The following PRKD1 variants were observed in gnomAD, a reference collection of about 807,000 sequenced individuals.
The protein encoded by PRKD1 is protein kinase D1.
In PRKD1, 63 loss-of-function variants were observed where a neutral mutation model predicts 95.9. The ratio of observed to expected loss-of-function variants is 0.66; its 90% CI spans 0.54 to 0.81. PRKD1 has a LOEUF of 0.81. Ranked by LOEUF, PRKD1 falls within the 30% of genes least tolerant of loss-of-function variation. PRKD1 has a pLI of 0.00. For synonymous variants in PRKD1, 425 were observed against 423.1 expected, an observed-to-expected ratio of 1.00 and a Z score of -0.05; for missense variants, 1,048 against 1,165.3, an observed-to-expected ratio of 0.90 and a Z score of 1.47.
At chr14:29,834,314 A>G (rs1292573792) in intron 1 of PRKD1, among the ~76,000 whole-genome samples, 1 of 152,102 alleles carries the variant, frequency 6.6e-6, no homozygotes, top group Non-Finnish European at 1.5e-5. Context: ...TTTTTGACAT[A>G]CTGTTGTGGA....
chr14:29,674,170 C>G (rs1883024385), intron 2 of PRKD1, among the ~76,000 whole-genome samples: 1 of 152,026 alleles, frequency 6.6e-6, no homozygotes, highest in Non-Finnish European at 1.5e-5. Context: ...TTGTCACAAC[C>G]ATCATTACTA....
intron 1 of PRKD1, among the ~76,000 whole-genome samples, chr14:29,742,634 A>C (rs1188750143): frequency 6.6e-6 from 1 of 152,218 alleles, no homozygotes; most frequent in East Asian, 1.9e-4. Context: ...TGAGGAAAAA[A>C]TCTATAGATG....
At chr14:29,743,906 T>C (rs1887096054) in intron 1 of PRKD1, among the ~76,000 whole-genome samples, 1 of 152,214 alleles carries the variant, frequency 6.6e-6, no homozygotes, top group Non-Finnish European at 1.5e-5. Flanking sequence ...TATTCTTTTG[T>C]CTTTCCTCCC....
intron 2 of PRKD1, among the ~76,000 whole-genome samples, chr14:29,682,029 A>G (rs561107012): frequency 6.6e-6 from 1 of 152,356 alleles, no homozygotes; most frequent in South Asian, 2.1e-4. Flanking sequence ...CACTGCATCC[A>G]AAGATAATGA....
intron 1 of PRKD1, among the ~76,000 whole-genome samples, chr14:29,905,006 G>C (rs896566031): frequency 1.3e-5 from 2 of 152,130 alleles, no homozygotes; most frequent in Admixed American, 1.3e-4. Flanking sequence ...TCTGCCAAAC[G>C]AATGACACTT....
chr14:29,890,659 T>C (rs1032709887), intron 1 of PRKD1, among the ~76,000 whole-genome samples: 4 of 152,064 alleles, frequency 2.6e-5, no homozygotes, highest in African/African-American at 9.7e-5. Context: ...GATAATACAT[T>C]CCAAGCATAT....
intron 1 of PRKD1, among the ~76,000 whole-genome samples, chr14:29,772,900 T>C (rs1433239662): frequency 6.6e-6 from 1 of 152,248 alleles, no homozygotes; most frequent in Non-Finnish European, 1.5e-5. Flanking sequence ...CATAAAATTT[T>C]ATTCCACAGA....
chr14:29,805,820 A>G (rs1890208641), intron 1 of PRKD1, among the ~76,000 whole-genome samples: 1 of 152,232 alleles, frequency 6.6e-6, no homozygotes, highest in Admixed American at 6.5e-5. Context: ...TTATCAACAG[A>G]AAGTGTGAGT....
intron 1 of PRKD1, among the ~76,000 whole-genome samples, chr14:29,792,054 T>A (rs1332036947): frequency 6.6e-6 from 1 of 152,124 alleles, no homozygotes; most frequent in Non-Finnish European, 1.5e-5. Flanking sequence ...CTTAATTGAT[T>A]TCTCACTCTA....
At chr14:29,791,157 A>C (rs1485076248) in intron 1 of PRKD1, among the ~76,000 whole-genome samples, 1 of 152,202 alleles carries the variant, frequency 6.6e-6, no homozygotes, top group Non-Finnish European at 1.5e-5. Context: ...CTAAAGAGAA[A>C]ACTATTGTTT....
intron 16 of PRKD1, among the ~76,000 whole-genome samples, chr14:29,593,832 T>C (rs191393102): frequency 2.0e-5 from 3 of 152,290 alleles, no homozygotes; most frequent in Non-Finnish European, 4.4e-5. Context: ...TGATAAAGTA[T>C]TAGCAGGCAT....
At chr14:29,759,731 A>C (rs45440194) in intron 1 of PRKD1, among the ~76,000 whole-genome samples, 1,961 of 152,328 alleles carry the variant, frequency 0.013, 33 homozygotes, top group African/African-American at 0.044. Flanking sequence ...GCACGGTGGC[A>C]GAAACTGGCA....
chr14:29,840,469 A>G (rs1395001531), intron 1 of PRKD1, among the ~76,000 whole-genome samples: 1 of 152,144 alleles, frequency 6.6e-6, no homozygotes, highest in Non-Finnish European at 1.5e-5. Context: ...TGAGCCCTCC[A>G]AACTGTTTCA....
intron 4 of PRKD1, among the ~76,000 whole-genome samples, chr14:29,644,315 T>C (rs984915212): frequency 6.6e-6 from 1 of 152,206 alleles, no homozygotes; most frequent in African/African-American, 2.4e-5. Context: ...CATGAAAATC[T>C]GTGCAGAACT....
chr14:29,816,111 A>G (rs904077602), intron 1 of PRKD1, among the ~76,000 whole-genome samples: 5 of 152,262 alleles, frequency 3.3e-5, no homozygotes, highest in East Asian at 1.9e-4. Flanking sequence ...CCAGCTACTC[A>G]GGAGACTGAG....
intron 1 of PRKD1, among the ~76,000 whole-genome samples, chr14:29,737,738 C>G (rs1223827057): frequency 6.6e-6 from 1 of 152,170 alleles, no homozygotes; most frequent in African/African-American, 2.4e-5. Flanking sequence ...TAGCATTCAG[C>G]TGTAAGGGAC....
At chr14:29,673,025 T>C (rs1260786569) in intron 2 of PRKD1, among the ~76,000 whole-genome samples, 1 of 152,192 alleles carries the variant, frequency 6.6e-6, no homozygotes, top group East Asian at 1.9e-4. Context: ...GAGCTACAGT[T>C]AACACGTGAA....
chr14:29,739,999 C>T (rs1438794697), intron 1 of PRKD1, among the ~76,000 whole-genome samples: 2 of 152,076 alleles, frequency 1.3e-5, no homozygotes, highest in East Asian at 3.9e-4. Context: ...AATAAATGTT[C>T]ATATCAAGCA....
In PRKD1 at chr14:29,638,983, G is replaced by C. The variant is rs993345804; in HGVS notation, c.697-79C>G. 4.0e-5 allele frequency: 42 copies of C among 1,061,018 alleles called. 2 individuals are homozygous for C. The highest frequency in any genetic ancestry group is 4.7e-5 in the Admixed American group (2 of 42,362). The allele number at this position is 1,061,018 out of a possible 1,614,324, so 65.7% of individuals were successfully genotyped here. A position where few individuals can be genotyped will look rare whatever the true frequency, so the allele number is the denominator to read the frequency against. On this transcript the variant is annotated intron_variant, in intron 4 of 17. Coordinates refer to ENST00000331968, the MANE Select transcript of PRKD1 (RefSeq NM_002742.3). ...TATATTTATATATTTTAAGATACCG[G>C]TTTACTCTTGTATTTAGTACTTTGA...
Sources: gnomAD v4.1 joint callset for allele counts (sites outside exome capture counted in the v4.1 genomes callset) on GRCh38, gnomAD v4.1.1 for gene constraint, MANE v1.5 for transcripts, NCBI Gene and HGNC (gene_info 2026-07-23, HGNC 2026-07-21) for gene names.